Variants in GPR158 observed in about 807,000 individuals in gnomAD.
GPR158 encodes G protein-coupled receptor 158.
Under a neutral mutation model 78.2 loss-of-function variants are expected in GPR158, and 30 were observed. The ratio of observed to expected loss-of-function variants is 0.38; its 90% CI spans 0.29 to 0.52. GPR158 has a LOEUF of 0.52. GPR158 is among the 20% of genes least tolerant of loss of function. GPR158 has a pLI of 0.83. For synonymous variants in GPR158, 581 were observed against 591.1 expected (o/e 0.98, Z 0.25); for missense variants, 1,463 against 1,523.5 (o/e 0.96, Z 0.66).
chr10:25,223,880 CAA>C (rs1361585583), intron 2 of GPR158, among the ~76,000 whole-genome samples: 1 of 152,100 alleles, frequency 6.6e-6, no homozygotes, highest in East Asian at 1.9e-4. Context: ...TTACAAATTT[CAA>C]AGTTATAAAT....
At chr10:25,514,519 T>C (rs1836134384) in intron 5 of GPR158, among the ~76,000 whole-genome samples, 1 of 152,176 alleles carries the variant, frequency 6.6e-6, no homozygotes, top group Admixed American at 6.5e-5. Context: ...AATGTTAGTA[T>C]TGAGATATTG....
chr10:25,210,219 A>C (rs961065308), intron 1 of GPR158, among the ~76,000 whole-genome samples: 2 of 152,174 alleles, frequency 1.3e-5, no homozygotes, highest in African/African-American at 4.8e-5. Flanking sequence ...AATTTTGATT[A>C]AATAGTTGTT....
intron 5 of GPR158, among the ~76,000 whole-genome samples, chr10:25,507,484 T>A (rs1836028840): frequency 6.6e-6 from 1 of 152,312 alleles, no homozygotes; most frequent in East Asian, 1.9e-4. Flanking sequence ...AAAGCAGTAA[T>A]TTTCATGTTG....
At chr10:25,189,555 A>G (rs1852740665) in intron 1 of GPR158, among the ~76,000 whole-genome samples, 1 of 151,696 alleles carries the variant, frequency 6.6e-6, no homozygotes, top group South Asian at 2.1e-4. Context: ...CAAACACCAC[A>G]CATTCTCACT....
intron 2 of GPR158, among the ~76,000 whole-genome samples, chr10:25,237,462 A>T (rs926221660): frequency 6.6e-6 from 1 of 152,198 alleles, no homozygotes; most frequent in Non-Finnish European, 1.5e-5. Flanking sequence ...ACATACTATA[A>T]TCAACTATTA....
chr10:25,525,578 A>T (rs2130687515), intron 5 of GPR158, among the ~76,000 whole-genome samples: 1 of 152,366 alleles, frequency 6.6e-6, no homozygotes, highest in South Asian at 2.1e-4. Context: ...CATGGATTGC[A>T]TGATTCCATT....
chr10:25,300,961 T>C (rs993078446), intron 2 of GPR158, among the ~76,000 whole-genome samples: 8 of 152,168 alleles, frequency 5.3e-5, no homozygotes, highest in South Asian at 2.1e-4. Flanking sequence ...ACTTCATTGA[T>C]TGATGTTTTT....
At chr10:25,321,466 G>A (rs1224760200) in intron 2 of GPR158, among the ~76,000 whole-genome samples, 1 of 152,146 alleles carries the variant, frequency 6.6e-6, no homozygotes, top group Non-Finnish European at 1.5e-5. Context: ...GAAGCTCTTT[G>A]GAATGATATT....
rs111752868 is a variant in GPR158, at chr10:25,450,004, G to GAAA, written c.1336-16639_1336-16637dup. Among the ~76,000 whole-genome samples the GAAA allele has an allele frequency of 4.3e-4, 64 of 148,440 alleles. 1 individual carries two copies. In the East Asian group the frequency reaches 7.5e-3, roughly 17 times the overall value. On this transcript the variant is annotated intron_variant, in intron 4 of 10. Transcript: ENST00000376351. ...AAACAAAATTTAATAAAAATGATCA[G>GAAA]AAAAAAAAAACCTCCTCCCTGACAC...
At chr10:25,344,979 C>T (rs756529655) in intron 2 of GPR158, among the ~76,000 whole-genome samples, 10 of 151,940 alleles carry the variant, frequency 6.6e-5, no homozygotes, top group Admixed American at 2.6e-4. Context: ...GGCACTAATA[C>T]TATTAATGAG....
chr10:25,179,911 T>G (rs998793853), intron 1 of GPR158, among the ~76,000 whole-genome samples: 7 of 152,210 alleles, frequency 4.6e-5, no homozygotes, highest in African/African-American at 1.4e-4. Flanking sequence ...AGGGTTCTTT[T>G]GTTTGCATAA....
chr10:25,188,619 T>C (rs1025368858), intron 1 of GPR158, among the ~76,000 whole-genome samples: 1 of 152,178 alleles, frequency 6.6e-6, no homozygotes, highest in African/African-American at 2.4e-5. Flanking sequence ...TTACACCTTA[T>C]ACAAAAATTA....
intron 1 of GPR158, among the ~76,000 whole-genome samples, chr10:25,178,956 C>T (rs1852577913): frequency 6.6e-6 from 1 of 152,200 alleles, no homozygotes; most frequent in African/African-American, 2.4e-5. Flanking sequence ...GTCTGTGGCT[C>T]TCTGGACCTC....
chr10:25,564,384 T>G (rs1192592127), intron 6 of GPR158, among the ~76,000 whole-genome samples: 2 of 152,206 alleles, frequency 1.3e-5, no homozygotes, highest in Non-Finnish European at 2.9e-5. Context: ...ATCATCTCAT[T>G]TCCCATTCTT....
chr10:25,249,849 C>T (rs1375016672), intron 2 of GPR158, among the ~76,000 whole-genome samples: 2 of 149,020 alleles, frequency 1.3e-5, no homozygotes, highest in East Asian at 4.0e-4. Flanking sequence ...GGAGGATTCC[C>T]TCTTTTTCTA....
intron 2 of GPR158, among the ~76,000 whole-genome samples, chr10:25,335,355 G>A (rs901607423): frequency 5.9e-5 from 9 of 152,050 alleles, no homozygotes; most frequent in Non-Finnish European, 1.3e-4. Flanking sequence ...GGCTTATGAA[G>A]TGATGCGATA....
chr10:25,501,224 C>T (rs111829218), intron 5 of GPR158, among the ~76,000 whole-genome samples: 2 of 152,082 alleles, frequency 1.3e-5, no homozygotes, highest in Non-Finnish European at 2.9e-5. Context: ...CACCAGACAG[C>T]GTGGGGACCC....
intron 4 of GPR158, among the ~76,000 whole-genome samples, chr10:25,450,821 G>A (rs1213095686): frequency 6.6e-6 from 1 of 152,066 alleles, no homozygotes; most frequent in Non-Finnish European, 1.5e-5. Flanking sequence ...GAAAGTAAAA[G>A]CTCCTCTGTT....
At chr10:25,269,405 G>C (rs1854086594) in intron 2 of GPR158, among the ~76,000 whole-genome samples, 1 of 152,132 alleles carries the variant, frequency 6.6e-6, no homozygotes, top group South Asian at 2.1e-4. Context: ...AATTTGAAAA[G>C]TGTTTGTTAA....
Sources: allele counts gnomAD v4.1 joint callset (sites outside exome capture counted in the v4.1 genomes callset), GRCh38; gene constraint gnomAD v4.1.1; transcripts MANE v1.5; gene names NCBI Gene and HGNC (gene_info 2026-07-23, HGNC 2026-07-21).